The following PRKG1 variants were observed in gnomAD, a reference collection of about 807,000 sequenced individuals.
PRKG1 encodes the protein protein kinase cGMP-dependent 1.
In PRKG1, 35 loss-of-function variants were observed where a neutral mutation model predicts 88.1. That is an observed-to-expected ratio of 0.40 (90% CI 0.30 to 0.53). The LOEUF (loss-of-function observed/expected upper bound fraction) is 0.53, where lower values mean the gene tolerates loss of function less well. Among genes scored for constraint, PRKG1 ranks in the 20% least tolerant of loss-of-function variants. The probability of loss-of-function intolerance (pLI) is 0.59; values close to 1 mark genes in which losing one functional copy is unlikely to be tolerated. For missense variants in PRKG1, 540 were observed against 839.8 expected, an observed-to-expected ratio of 0.64 and a Z score of 4.41; for synonymous variants, 303 against 292.5, an observed-to-expected ratio of 1.04 and a Z score of -0.37.
chr10:51,804,464 G>A, intron 3 of PRKG1, 121 bp from the exon 4 acceptor site: 1 of 690,634 alleles, frequency 1.4e-6, no homozygotes, highest in Non-Finnish European at 2.4e-6. Context: ...TTAAATGTTT[G>A]TAAAAAGTCA....
chr10:51,150,043 A>T (rs964241731), intron 1 of PRKG1, among the ~76,000 whole-genome samples: 1 of 152,140 alleles, frequency 6.6e-6, no homozygotes, highest in Admixed American at 6.6e-5. Flanking sequence ...TGAAAGAAAA[A>T]GATTTTTAAA....
rs1413906346 is a variant in PRKG1, at chr10:51,175,323, A to G, written c.478+21993A>G. ...TGTGTATAAGTATATATACACACAA[A>G]TACACATATATACACACACATACAC... On this transcript the variant is annotated intron_variant, in intron 2 of 17. Transcript: ENST00000373980. 2.0e-5 allele frequency among the ~76,000 whole-genome samples: 3 copies of G among 152,102 alleles called. No individual in the cohort carries two copies. The East Asian group carries it at 5.8e-4, about 29-fold the overall frequency.
At chr10:51,979,298 G>A (rs1168833708) in intron 5 of PRKG1, among the ~76,000 whole-genome samples, 1 of 151,526 alleles carries the variant, frequency 6.6e-6, no homozygotes, top group South Asian at 2.1e-4. Context: ...TGAATCTTAG[G>A]GATAAAGCCT....
intron 2 of PRKG1, among the ~76,000 whole-genome samples, chr10:51,203,536 G>T (rs1837966187): frequency 6.6e-6 from 1 of 152,068 alleles, no homozygotes. Flanking sequence ...GGCAATTGAG[G>T]GCACAGCTGG....
chr10:51,864,788 ATTG>A (rs1245799978), intron 4 of PRKG1, among the ~76,000 whole-genome samples: 4 of 152,188 alleles, frequency 2.6e-5, no homozygotes, highest in African/African-American at 9.6e-5. Context: ...TTTGGAATAA[ATTG>A]TTGTTTGTAC....
At chr10:51,382,453 T>C (rs1837132639) in intron 2 of PRKG1, among the ~76,000 whole-genome samples, 1 of 152,200 alleles carries the variant, frequency 6.6e-6, no homozygotes, top group African/African-American at 2.4e-5. Context: ...AAGATAATAA[T>C]GCTGCTTTGG....
chr10:51,797,322 A>G (rs767369435), intron 3 of PRKG1, among the ~76,000 whole-genome samples: 1 of 147,618 alleles, frequency 6.8e-6, no homozygotes, highest in Non-Finnish European at 1.5e-5. Context: ...TTACTTATAT[A>G]TATAATGGTT....
chr10:52,108,317 AT>A (rs1162248593), intron 7 of PRKG1, among the ~76,000 whole-genome samples: 1 of 152,214 alleles, frequency 6.6e-6, no homozygotes, highest in Non-Finnish European at 1.5e-5. Context: ...ATGGCTTTCA[AT>A]CTGTATGATA....
At position 51,735,854 on chromosome 10, in the gene PRKG1, C is replaced by CATATATATAT. The variant is rs146700314; in HGVS notation, c.593-68714_593-68705dup. Among the ~76,000 whole-genome samples, 399 of 114,174 alleles carry CATATATATAT rather than the reference C, an allele frequency of 3.5e-3. 1 individual carries two copies. The East Asian group carries it at 0.048, about 14-fold the overall frequency. The allele number at this position is 114,174 out of a possible 152,430, so 74.9% of individuals were successfully genotyped here. A position where few individuals can be genotyped will look rare whatever the true frequency, so the allele number is the denominator to read the frequency against. On this transcript the variant is annotated intron_variant, in intron 3 of 17. Coordinates refer to ENST00000373980, the MANE Select transcript of PRKG1 (RefSeq NM_006258.4). ...GGATATGGGGCAGGGGGCCTGACTG[C>CATATATATAT]ATATATATATATATATATATATATA...
At chr10:52,252,190 A>G (rs1482347322) in intron 10 of PRKG1, 2 of 153,466 alleles carry the variant, frequency 1.3e-5, no homozygotes, top group African/African-American at 4.8e-5. Context: ...AGTTTATTTC[A>G]CACACACTGT....
At chr10:52,072,101 C>T (rs113434402) in intron 7 of PRKG1, among the ~76,000 whole-genome samples, 1 of 150,112 alleles carries the variant, frequency 6.7e-6, no homozygotes, top group Non-Finnish European at 1.5e-5. Flanking sequence ...GCTTGTTTCT[C>T]CAGCCTTGGG....
chr10:51,661,996 A>C (rs1444761605), intron 3 of PRKG1, among the ~76,000 whole-genome samples: 1 of 151,996 alleles, frequency 6.6e-6, no homozygotes, highest in Non-Finnish European at 1.5e-5. Flanking sequence ...CAGACACCAC[A>C]TTTTCTCACT....
chr10:52,153,705 G>A (rs10762597), intron 8 of PRKG1, among the ~76,000 whole-genome samples: 48,696 of 152,000 alleles, frequency 0.32, 8,264 homozygotes, highest in East Asian at 0.45. Flanking sequence ...TTTTAAAGTA[G>A]TATCAGCATA....
At chr10:51,790,205 T>C (rs546309982) in intron 3 of PRKG1, among the ~76,000 whole-genome samples, 1 of 152,296 alleles carries the variant, frequency 6.6e-6, no homozygotes, top group East Asian at 1.9e-4. Context: ...CTTTTATTCC[T>C]CAGAGCTAGT....
rs550350749 is a variant in PRKG1, at chr10:52,295,632, C to A, written c.*1732C>A. On this transcript the variant is annotated 3_prime_UTR_variant, in exon 18 of 18. Transcript: ENST00000373980. ...GTGTGAATTTGGTATATTAAATTGA[C>A]GCTTGCTTTTTTTTTCAGTAGAGTT... 1 of 151,668 alleles carries A rather than the reference C, an allele frequency of 6.6e-6. No individual in the cohort carries two copies. The highest frequency in any genetic ancestry group is 6.6e-5 in the Admixed American group (1 of 15,192). The allele number at this position is 151,668 out of a possible 1,614,324, so 9.4% of individuals were successfully genotyped here. A position where few individuals can be genotyped will look rare whatever the true frequency, so the allele number is the denominator to read the frequency against.
At chr10:51,495,435 T>C (rs1174607566) in intron 3 of PRKG1, among the ~76,000 whole-genome samples, 1 of 152,194 alleles carries the variant, frequency 6.6e-6, no homozygotes, top group Non-Finnish European at 1.5e-5. Flanking sequence ...ATACTAGTAT[T>C]AGGCTGATTT....
intron 9 of PRKG1, among the ~76,000 whole-genome samples, chr10:52,248,409 C>T (rs1443546818): frequency 6.6e-6 from 1 of 152,012 alleles, no homozygotes; most frequent in African/African-American, 2.4e-5. Flanking sequence ...TTTGACTTTC[C>T]CAAAAATCAG....
chr10:52,169,169 T>C lies in PRKG1; in HGVS notation c.1076+7206T>C, dbSNP rs550587271. ...GAAAAGAAAGACTGAGAAGGAGAGA[T>C]GAAAGGTAGAAGGAACACCACATGC... On this transcript the variant is annotated intron_variant, in intron 9 of 17. Transcript: ENST00000373980. 4.6e-5 allele frequency among the ~76,000 whole-genome samples: 7 copies of C among 152,096 alleles called. No individual in the cohort carries two copies. The South Asian group carries it at 8.3e-4, about 18-fold the overall frequency.
chr10:51,512,326 C>T (rs1449162283), intron 3 of PRKG1, among the ~76,000 whole-genome samples: 2 of 141,644 alleles, frequency 1.4e-5, no homozygotes, highest in African/African-American at 5.3e-5. Context: ...ATATATCTCC[C>T]AATGCTATCC....
Sources: allele counts gnomAD v4.1 joint callset (sites outside exome capture counted in the v4.1 genomes callset), GRCh38; gene constraint gnomAD v4.1.1; transcripts MANE v1.5; gene names NCBI Gene and HGNC (gene_info 2026-07-23, HGNC 2026-07-21).